Variants in TOGARAM1 observed in about 807,000 individuals in gnomAD.
TOGARAM1 encodes the protein TOG array regulator of axonemal microtubules 1, also known as TOG array regulator of axonemal microtubules protein 1.
TOGARAM1 carries 100 observed loss-of-function variants against 166.6 expected under a neutral mutation model. The observed-to-expected ratio is 0.60, with a 90% CI of 0.51 to 0.71. The LOEUF (loss-of-function observed/expected upper bound fraction) is 0.71, where lower values mean the gene tolerates loss of function less well. Among genes scored for constraint, TOGARAM1 ranks in the 30% least tolerant of loss-of-function variants. The pLI, the probability that TOGARAM1 is intolerant of heterozygous loss-of-function variation, is 0.00. For missense variants in TOGARAM1, 2,029 were observed against 2,102.7 expected (o/e 0.96, Z 0.69); for synonymous variants, 758 against 763.8 (o/e 0.99, Z 0.13).
At chr14:45,016,940 G>A (rs368596514) in intron 7 of TOGARAM1, among the ~76,000 whole-genome samples, 2 of 152,130 alleles carry the variant, frequency 1.3e-5, no homozygotes, top group South Asian at 2.1e-4. Flanking sequence ...GAATCATTCA[G>A]ATATTTTATA....
At chr14:45,013,034 C>T (rs1258762834) in intron 7 of TOGARAM1, among the ~76,000 whole-genome samples, 1 of 152,194 alleles carries the variant, frequency 6.6e-6, no homozygotes. Context: ...GATCTGGTCC[C>T]AGCCTACCTC....
chr14:45,045,605 G>GTA (rs1881992278), intron 13 of TOGARAM1, among the ~76,000 whole-genome samples: 1 of 81,756 alleles, frequency 1.2e-5, no homozygotes, highest in Non-Finnish European at 2.2e-5. Flanking sequence ...GTGTGTGTGT[G>GTA]TGTGTGTGTG....
chr14:45,066,827 G>A, intron 17 of TOGARAM1, 60 bp downstream of exon 17: 11 of 1,438,646 alleles, frequency 7.6e-6, no homozygotes, highest in Non-Finnish European at 1.0e-5. Context: ...TGTAATCCAA[G>A]CACTTTGGGA....
chr14:45,040,582 A>G (rs1019015440), intron 11 of TOGARAM1, among the ~76,000 whole-genome samples: 2 of 152,214 alleles, frequency 1.3e-5, no homozygotes, highest in South Asian at 2.1e-4. Flanking sequence ...AAAAATTACA[A>G]ACATGAAGAA....
intron 1 of TOGARAM1, among the ~76,000 whole-genome samples, chr14:44,978,650 T>C (rs1886347535): frequency 6.6e-6 from 1 of 151,744 alleles, no homozygotes; most frequent in Admixed American, 6.6e-5. Context: ...ATACAAAAAT[T>C]AGCCAGGCAT....
rs147325965 is a variant in TOGARAM1, at chr14:44,982,565, G to A, written c.2047-13181G>A. 2.2e-3 allele frequency among the ~76,000 whole-genome samples: 334 copies of A among 152,276 alleles called. 2 individuals carry two copies. The highest frequency in any genetic ancestry group is 3.5e-3 in the Non-Finnish European group (237 of 68,024). On this transcript the variant is annotated intron_variant, in intron 1 of 19. Coordinates refer to ENST00000361462, the MANE Select transcript of TOGARAM1 (RefSeq NM_001308120.2). The stretch of plus-strand genomic sequence containing the variant: ...GCACGAGGTCTGTAGTTTTTTCAAG[G>A]TAGAGGAATTGATTATTGGAAGGTC...
At position 45,032,231 on chromosome 14, in the gene TOGARAM1, C is replaced by T. The variant is rs1881202574; in HGVS notation, c.3667C>T (p.Pro1223Ser). ...AATGTATTTTGTTTTAGGTGAAACA[C>T]CTACTGGAGCTATTTCACAGTATAA... ...TEKMASESET[P>S]TGAISQYKER... Residue 1223 changes from proline (P) to serine (S), a missense_variant, in exon 11 of 20, where the codon CCT becomes TCT. Coordinates refer to ENST00000361462, the MANE Select transcript of TOGARAM1 (RefSeq NM_001308120.2). 2 of 1,605,042 alleles carry T rather than the reference C, an allele frequency of 1.2e-6. No individual in the cohort carries two copies. The highest frequency in any genetic ancestry group is 1.7e-6 in the Non-Finnish European group (2 of 1,177,748).
At position 45,032,396 on chromosome 14, in the gene TOGARAM1, C is replaced by T; in HGVS notation, c.3812+20C>T. 3 of 1,600,366 alleles carry T rather than the reference C, an allele frequency of 1.9e-6. No homozygotes were observed. Among genetic ancestry groups the T allele is most frequent in the Middle Eastern group, 1.7e-4 (1 of 6,036 alleles). ...GGATTGGTAAGTTCACCATCCTTAA[C>T]TTAAAACTAAGCAGAGTTCAAAAGC... On this transcript the variant is annotated intron_variant, in intron 11 of 19. Coordinates refer to ENST00000361462, the MANE Select transcript of TOGARAM1 (RefSeq NM_001308120.2).
Position 44,962,818 on chromosome 14 carries a change from A to G in TOGARAM1, c.397A>G (p.Lys133Glu), listed in dbSNP as rs772734473. The G allele has an allele frequency of 1.2e-6, 2 of 1,612,928 alleles. No individual in the cohort carries two copies. Among genetic ancestry groups the G allele is most frequent in the South Asian group, 2.2e-5 (2 of 91,090 alleles). The change falls in exon 1 of 20, where the codon AAG becomes GAG. Residue 133 changes from lysine to glutamate, a missense_variant. Physicochemically the swap from Lys to Glu is moderately conservative, Grantham distance 56. Transcript: ENST00000361462. ...RGGRLGFPRR[K>E]EALYRALGRV... ...CGGTCGACTTGGCTTCCCCCGACGC[A>G]AGGAAGCTTTGTATCGGGCACTGGG...
chr14:45,072,066 A>T (rs1883409304), intron 19 of TOGARAM1, among the ~76,000 whole-genome samples: 3 of 152,172 alleles, frequency 2.0e-5, no homozygotes. Flanking sequence ...CACCACTTGG[A>T]AAATTGAGTA....
intron 1 of TOGARAM1, among the ~76,000 whole-genome samples, chr14:44,991,275 T>G (rs12587116): frequency 7.1e-6 from 1 of 141,690 alleles, no homozygotes; most frequent in South Asian, 2.1e-4. Flanking sequence ...TTTGTTTTTG[T>G]TTTTTTTTTA....
chr14:44,962,757 C>G lies in TOGARAM1; in HGVS notation c.336C>G (p.Ala112=), dbSNP rs778992651. 6.2e-7 allele frequency: 1 copy of G among 1,613,446 alleles called. No individual in the cohort carries two copies. The highest frequency in any genetic ancestry group is 8.5e-7 in the Non-Finnish European group (1 of 1,180,032). Residue 112 remains alanine, a synonymous_variant, in exon 1 of 20, where the codon GCC becomes GCG. Coordinates refer to ENST00000361462, the MANE Select transcript of TOGARAM1 (RefSeq NM_001308120.2). ...GCACTGCCCGGGATCCTTCTGAGGC[C>G]TTCCAGGCTTTGCAAGCTGCTTTGC... ...LLRTARDPSE[A]FQALQAALPR...
At chr14:45,027,249 G>A (rs770789311) in intron 8 of TOGARAM1, 50 bp from the exon 9 acceptor site, 4 of 1,586,556 alleles carry the variant, frequency 2.5e-6, no homozygotes, top group Non-Finnish European at 3.4e-6. Context: ...GTTGTCTAGA[G>A]TACCATCACA....
chr14:44,971,417 G>C (rs1266032250), intron 1 of TOGARAM1, among the ~76,000 whole-genome samples: 2 of 152,034 alleles, frequency 1.3e-5, no homozygotes, highest in East Asian at 3.9e-4. Context: ...TTTCATTTCT[G>C]ATATTAGTAA....
At chr14:45,044,269 C>T (rs1229194347) in intron 12 of TOGARAM1, among the ~76,000 whole-genome samples, 1 of 152,134 alleles carries the variant, frequency 6.6e-6, no homozygotes, top group Non-Finnish European at 1.5e-5. Flanking sequence ...CTCGGCCTCC[C>T]AAAGTGCTGG....
At chr14:45,020,976 G>T (rs544784301) in intron 7 of TOGARAM1, among the ~76,000 whole-genome samples, 15 of 152,304 alleles carry the variant, frequency 9.8e-5, no homozygotes, top group East Asian at 7.7e-4. Flanking sequence ...GCCTCATGGA[G>T]CCCAGTGAGG....
chr14:44,994,987 T>A (rs1887345419), intron 1 of TOGARAM1, among the ~76,000 whole-genome samples: 1 of 152,166 alleles, frequency 6.6e-6, no homozygotes, highest in South Asian at 2.1e-4. Context: ...TGCATTCAGT[T>A]TTTTTAAAGT....
At chr14:45,019,661 A>G (rs1298440015) in intron 7 of TOGARAM1, among the ~76,000 whole-genome samples, 2 of 152,090 alleles carry the variant, frequency 1.3e-5, no homozygotes, top group Non-Finnish European at 2.9e-5. Context: ...TTTTTGCCTA[A>G]TTAGCATTTT....
intron 7 of TOGARAM1, among the ~76,000 whole-genome samples, chr14:45,019,255 A>G (rs1880344162): frequency 6.6e-6 from 1 of 152,170 alleles, no homozygotes; most frequent in African/African-American, 2.4e-5. Context: ...CTGCTGCCAT[A>G]GTTGTAATTT....
Sources: allele counts gnomAD v4.1 joint callset (sites outside exome capture counted in the v4.1 genomes callset), GRCh38; gene constraint gnomAD v4.1.1; transcripts MANE v1.5; gene names NCBI Gene and HGNC (gene_info 2026-07-23, HGNC 2026-07-21).